The following SEMA5B variants were observed in gnomAD, a reference collection of about 807,000 sequenced individuals.
The protein encoded by SEMA5B is semaphorin 5B.
In SEMA5B, 66 loss-of-function variants were observed where a neutral mutation model predicts 135.0. The observed-to-expected ratio is 0.49, with a 90% CI of 0.40 to 0.60. SEMA5B has a LOEUF of 0.60. Ranked by LOEUF, SEMA5B falls within the 20% of genes least tolerant of loss-of-function variation. SEMA5B has a pLI of 0.00. For synonymous variants in SEMA5B, 690 were observed against 639.5 expected (o/e 1.08, Z -1.19); for missense variants, 1,501 against 1,566.3 (o/e 0.96, Z 0.70).
At chr3:123,021,860 G>T (rs1942688327) in intron 1 of SEMA5B, among the ~76,000 whole-genome samples, 1 of 152,128 alleles carries the variant, frequency 6.6e-6, no homozygotes, top group African/African-American at 2.4e-5. Flanking sequence ...ATACAGCAGA[G>T]TTACCTTCCA....
At chr3:123,021,751 C>T (rs1942684959) in intron 1 of SEMA5B, among the ~76,000 whole-genome samples, 2 of 152,216 alleles carry the variant, frequency 1.3e-5, no homozygotes, top group African/African-American at 2.4e-5. Flanking sequence ...TGCGGTTAAT[C>T]CAATGGTCAG....
At chr3:122,966,860 TTAC>T (rs66538737) in intron 1 of SEMA5B, among the ~76,000 whole-genome samples, 56,124 of 130,806 alleles carry the variant, frequency 0.43, 11,880 homozygotes, top group African/African-American at 0.56. Flanking sequence ...ACCCGGCCTA[TTAC>T]TATTATTATT....
intron 22 of SEMA5B, among the ~76,000 whole-genome samples, 174 bp from the exon 23 acceptor site, chr3:122,910,475 C>T (rs1045846140): frequency 2.0e-5 from 3 of 152,158 alleles, no homozygotes; most frequent in Non-Finnish European, 2.9e-5. Flanking sequence ...AGAACCCCTG[C>T]ACTCTTCACC....
upstream of SEMA5B, among the ~76,000 whole-genome samples, chr3:123,028,183 AC>A (rs901289406): frequency 3.3e-5 from 5 of 150,860 alleles, no homozygotes; most frequent in African/African-American, 4.9e-5. Context: ...GCTCCCCCAA[AC>A]CCCACTCCGG....
At chr3:122,988,832 C>T (rs2107709540) in intron 1 of SEMA5B, among the ~76,000 whole-genome samples, 1 of 152,372 alleles carries the variant, frequency 6.6e-6, no homozygotes, top group African/African-American at 2.4e-5. Flanking sequence ...AGACTGGGAG[C>T]TCCTCGAAGC....
At position 122,926,644 on chromosome 3, in the gene SEMA5B, A is replaced by G; in HGVS notation, c.884T>C (p.Leu295Pro). The change falls in exon 9 of 23, where the codon CTG (leucine) becomes CCG (proline). Residue 295 changes from leucine (L) to proline (P), a missense_variant. This residue lies in a region of SEMA5B where 574 missense variants were observed against 684.7 expected (regional missense o/e 0.84). Coordinates refer to ENST00000357599, the MANE Select transcript of SEMA5B (RefSeq NM_001031702.4). Reference protein sequence around the residue: ...PNFVAAYDIGLFAYFFLRENA... With the variant: ...PNFVAAYDIGPFAYFFLRENA... ...CTCCCGCAGGAAGAAGTATGCAAAC[A>G]GCCCAATATCATAGGCTGCCACGAA... The G allele has an allele frequency of 1.2e-6, 2 of 1,613,866 alleles. No individual in the cohort carries two copies. The highest frequency in any genetic ancestry group is 1.7e-4 in the Middle Eastern group (1 of 6,058).
At chr3:122,952,604 A>G (rs1429087661) in intron 2 of SEMA5B, among the ~76,000 whole-genome samples, 1 of 152,214 alleles carries the variant, frequency 6.6e-6, no homozygotes, top group Non-Finnish European at 1.5e-5. Context: ...ATCGACTAGC[A>G]TGAGTCATTC....
Position 122,961,124 on chromosome 3 carries a change from C to T in SEMA5B, c.124+16G>A. 1.3e-6 allele frequency: 2 copies of T among 1,599,944 alleles called. No homozygotes were observed. The highest frequency in any genetic ancestry group is 1.1e-5 in the South Asian group (1 of 89,116). ...GTACCTGCTGCAGCCCCCCACACTC[C>T]CCTGGGCACACTTACCCCTGACCAG... On this transcript the variant is annotated intron_variant, in intron 2 of 22. Coordinates refer to ENST00000357599, the MANE Select transcript of SEMA5B (RefSeq NM_001031702.4).
At chr3:122,936,390 G>A (rs1022620686) in intron 5 of SEMA5B, among the ~76,000 whole-genome samples, 5 of 152,192 alleles carry the variant, frequency 3.3e-5, no homozygotes, top group Non-Finnish European at 5.9e-5. Context: ...AACCACTCCA[G>A]GGCTGCCAGA....
In SEMA5B at chr3:122,910,160, A is replaced by C. The variant is rs757940833; in HGVS notation, c.3439T>G (p.Cys1147Gly). Reference protein sequence around the residue: ...FRPEASPGQRCFPNS With the variant: ...FRPEASPGQRGFPNS ...CGGCGGTATCAGCTGTTGGGGAAGC[A>C]CCGTTGTCCAGGTGAGGCCTCGGGC... Residue 1147 changes from cysteine (C) to glycine (G), a missense_variant, in exon 23 of 23, where the codon TGC becomes GGC. By Grantham distance (159) the Cys-to-Gly change is radical. Coordinates refer to ENST00000357599, the MANE Select transcript of SEMA5B (RefSeq NM_001031702.4). 1 of 1,614,010 alleles carries C rather than the reference A, an allele frequency of 6.2e-7. No homozygotes were observed. Among genetic ancestry groups the C allele is most frequent in the Admixed American group, 1.7e-5 (1 of 60,002 alleles).
rs544167010 is a variant in SEMA5B, at chr3:122,947,842, AC to A, written c.328+663del. Among the ~76,000 whole-genome samples, 231 of 148,736 alleles carry A rather than the reference AC, an allele frequency of 1.6e-3. 1 individual carries two copies. The highest frequency in any genetic ancestry group is 5.5e-3 in the African/African-American group (221 of 40,116). ...CTAATGTGACTGTAACACAACCATG[AC>A]CCCCCCCAAACTGTGTAACAGATCG... On this transcript the variant is annotated intron_variant, in intron 3 of 22. Transcript: ENST00000357599.
At chr3:122,971,057 A>G (rs1457036347) in intron 1 of SEMA5B, among the ~76,000 whole-genome samples, 3 of 152,226 alleles carry the variant, frequency 2.0e-5, no homozygotes, top group African/African-American at 7.2e-5. Flanking sequence ...GTCCTGGAGC[A>G]CTACCCAGTG....
At chr3:122,938,998 C>T (rs1040125532) in intron 5 of SEMA5B, among the ~76,000 whole-genome samples, 9 of 152,152 alleles carry the variant, frequency 5.9e-5, no homozygotes, top group African/African-American at 9.7e-5. Context: ...ACACCCTTTC[C>T]GTGGAGGCCT....
Position 122,913,183 on chromosome 3 carries a change from G to C in SEMA5B, c.2506+16C>G. ...GGCTGGGAGAGAGGAAGGAGGGGGC[G>C]CCGGGCGCGGGGTACCGTCGGTGTC... On this transcript the variant is annotated intron_variant, in intron 17 of 22. Coordinates refer to ENST00000357599, the MANE Select transcript of SEMA5B (RefSeq NM_001031702.4). 2 of 1,541,800 alleles carry C rather than the reference G, an allele frequency of 1.3e-6. No homozygotes were observed. The highest frequency in any genetic ancestry group is 2.0e-4 in the Middle Eastern group (1 of 4,894).
In SEMA5B at chr3:122,927,920, G is replaced by T. The variant is rs1938729878; in HGVS notation, c.720C>A (p.Val240=). ...CATAGAGCTCCCCCTGGGAGGAGAT[G>T]ACAGCTGTGGAGTTGTGGCGTGGGT... ...PYDPRHNSTA[V]ISSQGELYAA... The change falls in exon 8 of 23, where the codon GTC becomes GTA. Residue 240 remains valine, a synonymous_variant. Coordinates refer to ENST00000357599, the MANE Select transcript of SEMA5B (RefSeq NM_001031702.4). 1 of 1,594,224 alleles carries T rather than the reference G, an allele frequency of 6.3e-7. No homozygotes were observed. The highest frequency in any genetic ancestry group is 1.7e-5 in the Admixed American group (1 of 57,832).
Position 122,961,121 on chromosome 3 carries a change from C to G in SEMA5B, c.124+19G>C, listed in dbSNP as rs762424592. 2 of 1,588,260 alleles carry G rather than the reference C, an allele frequency of 1.3e-6. No individual in the cohort carries two copies. The highest frequency in any genetic ancestry group is 4.5e-5 in the East Asian group (2 of 44,316). On this transcript the variant is annotated intron_variant, in intron 2 of 22. Transcript: ENST00000357599. Reference sequence around the variant, plus strand: ...CTGGTACCTGCTGCAGCCCCCCACACTCCCCTGGGCACACTTACCCCTGAC... The same window carrying G: ...CTGGTACCTGCTGCAGCCCCCCACAGTCCCCTGGGCACACTTACCCCTGAC...
In SEMA5B at chr3:122,966,565, TA is replaced by T. The variant is rs1181234421; in HGVS notation, c.-38-5265del. 3.0e-3 allele frequency among the ~76,000 whole-genome samples: 400 copies of T among 135,384 alleles called. 2 individuals are homozygous for T. Among genetic ancestry groups the T allele is most frequent in the Admixed American group, 4.3e-3 (61 of 14,038 alleles). 88.8% of individuals were successfully genotyped at this position (135,384 alleles called of 152,430 possible). ...TTATTATTATTATTATTATTATTATTATTTTTTGAGACGGAGTCTCGCTCTA... is the reference window on the plus strand; with the variant it reads ...TTATTATTATTATTATTATTATTATTTTTTTTGAGACGGAGTCTCGCTCTA... On this transcript the variant is annotated intron_variant, in intron 1 of 22. Coordinates refer to ENST00000357599, the MANE Select transcript of SEMA5B (RefSeq NM_001031702.4).
At chr3:122,989,806 C>G (rs913017729) in intron 1 of SEMA5B, among the ~76,000 whole-genome samples, 3 of 152,156 alleles carry the variant, frequency 2.0e-5, no homozygotes, top group African/African-American at 7.2e-5. Context: ...AAAATTGGTT[C>G]CCTGGGGGAG....
chr3:122,928,890 G>A, intron 6 of SEMA5B, 106 bp downstream of exon 6: 1 of 1,149,906 alleles, frequency 8.7e-7, no homozygotes, highest in South Asian at 1.4e-5. Flanking sequence ...TCCTGGCCAG[G>A]CCTCTCTAGC....
Sources: allele counts gnomAD v4.1 joint callset (sites outside exome capture counted in the v4.1 genomes callset), GRCh38; gene constraint gnomAD v4.1.1; regional missense constraint gnomAD v4.1.1; transcripts MANE v1.5; gene names NCBI Gene and HGNC (gene_info 2026-07-23, HGNC 2026-07-21).